TIAM1: variants seen among roughly 807,000 people sequenced by gnomAD.
TIAM1 encodes the protein TIAM Rac1 associated GEF 1.
In TIAM1, 65 loss-of-function variants were observed where a neutral mutation model predicts 163.5. The ratio of observed to expected loss-of-function variants is 0.40; its 90% CI spans 0.33 to 0.49. The LOEUF (loss-of-function observed/expected upper bound fraction) is 0.49, where lower values mean the gene tolerates loss of function less well. Ranked by LOEUF, TIAM1 falls within the 20% of genes least tolerant of loss-of-function variation. The pLI is 0.77. For synonymous variants in TIAM1, 833 were observed against 810.1 expected (o/e 1.03, Z -0.48); for missense variants, 1,789 against 2,044.7 (o/e 0.87, Z 2.41).
chr21:31,125,184 G>T (rs992556494), intron 26 of TIAM1, among the ~76,000 whole-genome samples: 1 of 134,246 alleles, frequency 7.4e-6, no homozygotes, highest in Non-Finnish European at 1.6e-5. Context: ...AGGCTGTAAA[G>T]AACTATAAAA....
intron 2 of TIAM1, among the ~76,000 whole-genome samples, chr21:31,425,629 C>T (rs1196256500): frequency 7.9e-6 from 1 of 126,652 alleles, no homozygotes; most frequent in Non-Finnish European, 1.6e-5. Context: ...CTCCCTCCCT[C>T]CCTCCCTCCC....
At chr21:31,374,473 C>T (rs999062426) in intron 2 of TIAM1, among the ~76,000 whole-genome samples, 1 of 152,168 alleles carries the variant, frequency 6.6e-6, no homozygotes, top group African/African-American at 2.4e-5. Context: ...AGCAACTTCA[C>T]ACATCTACTG....
intron 6 of TIAM1, among the ~76,000 whole-genome samples, chr21:31,238,678 T>C (rs536115108): frequency 6.6e-6 from 1 of 152,322 alleles, no homozygotes; most frequent in African/African-American, 2.4e-5. Flanking sequence ...GGTTTCACTT[T>C]AGAAATATTT....
chr21:31,119,562 A>ACT lies in TIAM1; in HGVS notation c.*804_*805dup, dbSNP rs918956069. ...TATAAATATAAAACCACCACGCCTC[A>ACT]CTCTCTCTGTAAAAGGTTATATCCT... On this transcript the variant is annotated 3_prime_UTR_variant, in exon 28 of 28. Coordinates refer to ENST00000541036, the MANE Select transcript of TIAM1 (RefSeq NM_001353694.2). 6.6e-6 allele frequency: 1 copy of ACT among 152,484 alleles called. No homozygotes were observed. Among genetic ancestry groups the ACT allele is most frequent in the African/African-American group, 2.4e-5 (1 of 41,396 alleles). 9.4% of individuals were successfully genotyped at this position (152,484 alleles called of 1,614,324 possible). A position where few individuals can be genotyped will look rare whatever the true frequency, so the allele number is the denominator to read the frequency against.
At chr21:31,150,091 C>A (rs921709563) in intron 19 of TIAM1, among the ~76,000 whole-genome samples, 4 of 152,084 alleles carry the variant, frequency 2.6e-5, no homozygotes, top group Non-Finnish European at 5.9e-5. Context: ...CCCAATGCTA[C>A]CATTTGGGGA....
intron 2 of TIAM1, among the ~76,000 whole-genome samples, chr21:31,369,136 G>A (rs2076549719): frequency 6.6e-6 from 1 of 151,240 alleles, no homozygotes; most frequent in South Asian, 2.1e-4. Context: ...TGAGGCAGGA[G>A]AACAGCGTGA....
intron 1 of TIAM1, among the ~76,000 whole-genome samples, chr21:31,501,644 C>T (rs1404892012): frequency 6.6e-6 from 1 of 152,066 alleles, no homozygotes; most frequent in East Asian, 1.9e-4. Context: ...GCTCTGTTGC[C>T]CAGGCTGGAG....
intron 2 of TIAM1, among the ~76,000 whole-genome samples, chr21:31,413,520 CCGGCCT>C (rs1208768617): frequency 6.6e-6 from 1 of 151,816 alleles, no homozygotes; most frequent in Non-Finnish European, 1.5e-5. Context: ...TCCACCCGCC[CCGGCCT>C]CCCAAAGTGC....
At chr21:31,403,157 T>C (rs1225398884) in intron 2 of TIAM1, among the ~76,000 whole-genome samples, 1 of 152,108 alleles carries the variant, frequency 6.6e-6, no homozygotes, top group Non-Finnish European at 1.5e-5. Flanking sequence ...TATACTTTTT[T>C]ATTTTTTTAA....
At chr21:31,308,081 T>C (rs1282750053) in intron 2 of TIAM1, among the ~76,000 whole-genome samples, 1 of 152,066 alleles carries the variant, frequency 6.6e-6, no homozygotes, top group Non-Finnish European at 1.5e-5. Flanking sequence ...CAAAACCTCA[T>C]CTCTACAAAA....
chr21:31,398,471 CAT>C (rs2077110987), intron 2 of TIAM1, among the ~76,000 whole-genome samples: 1 of 152,176 alleles, frequency 6.6e-6, no homozygotes, highest in East Asian at 1.9e-4. Context: ...TGAGAAATAA[CAT>C]AGCCATGGGA....
chr21:31,248,676 A>G (rs2071633252), intron 5 of TIAM1, among the ~76,000 whole-genome samples: 1 of 152,222 alleles, frequency 6.6e-6, no homozygotes, highest in Non-Finnish European at 1.5e-5. Flanking sequence ...AGCATTGCTA[A>G]GAAAAAGTCA....
intron 13 of TIAM1, among the ~76,000 whole-genome samples, chr21:31,193,520 A>T (rs572228061): frequency 6.6e-6 from 1 of 151,788 alleles, no homozygotes; most frequent in African/African-American, 2.4e-5. Context: ...ATTCTACGTG[A>T]CTCCACTGAA....
chr21:31,281,686 G>A (rs1262710681), intron 2 of TIAM1, among the ~76,000 whole-genome samples: 1 of 152,102 alleles, frequency 6.6e-6, no homozygotes, highest in Admixed American at 6.5e-5. Context: ...ATAAGTGGAT[G>A]GATGGATGGA....
chr21:31,363,837 G>T (rs2076450907), intron 2 of TIAM1, among the ~76,000 whole-genome samples: 1 of 152,078 alleles, frequency 6.6e-6, no homozygotes, highest in South Asian at 2.1e-4. Context: ...TTGGTTGGGG[G>T]GCAACCCAAG....
At chr21:31,505,808 G>C (rs1028504890) in intron 1 of TIAM1, among the ~76,000 whole-genome samples, 1 of 151,840 alleles carries the variant, frequency 6.6e-6, no homozygotes, top group African/African-American at 2.4e-5. Context: ...AGTTCGAGAC[G>C]AGCATGGCCA....
intron 2 of TIAM1, chr21:31,452,628 A>C: frequency 2.0e-6 from 1 of 498,348 alleles, no homozygotes; most frequent in South Asian, 1.9e-5. Context: ...TAAAAGACTT[A>C]TCCATAATAT....
intron 2 of TIAM1, among the ~76,000 whole-genome samples, chr21:31,316,049 G>A (rs1306906713): frequency 2.0e-5 from 3 of 152,188 alleles, no homozygotes; most frequent in Non-Finnish European, 2.9e-5. Flanking sequence ...AAATACGGCC[G>A]ACTGTCAATA....
intron 3 of TIAM1, among the ~76,000 whole-genome samples, chr21:31,267,563 A>G (rs1485338313): frequency 6.7e-6 from 1 of 150,298 alleles, no homozygotes; most frequent in African/African-American, 2.5e-5. Flanking sequence ...GATACTTCAA[A>G]ATCAATCAAA....
Sources: gnomAD v4.1 joint callset for allele counts (sites outside exome capture counted in the v4.1 genomes callset) on GRCh38, gnomAD v4.1.1 for gene constraint, MANE v1.5 for transcripts, NCBI Gene and HGNC (gene_info 2026-07-23, HGNC 2026-07-21) for gene names.